Variants in HTT observed in about 807,000 individuals in gnomAD.
HTT encodes the protein huntington disease protein.
Under a neutral mutation model 362.3 loss-of-function variants are expected in HTT, and 104 were observed. The observed-to-expected ratio is 0.29, with a 90% CI of 0.24 to 0.34. HTT has a LOEUF of 0.34. Among genes scored for constraint, HTT ranks in the 10% least tolerant of loss-of-function variants. HTT has a pLI of 1.00. For synonymous variants in HTT, 1,577 were observed against 1,548.7 expected (o/e 1.02, Z -0.43); for missense variants, 3,301 against 3,928.6 (o/e 0.84, Z 4.27).
In HTT at chr4:3,148,060, A is replaced by T. The variant is rs1207042717; in HGVS notation, c.3351A>T (p.Pro1117=). 12 of 1,614,058 alleles carry T rather than the reference A, an allele frequency of 7.4e-6. No homozygotes were observed. Among genetic ancestry groups the T allele is most frequent in the Non-Finnish European group, 1.0e-5 (12 of 1,180,026 alleles). The change falls in exon 26 of 67, where the codon CCA becomes CCT. Residue 1117 remains proline (P), a synonymous_variant. Transcript: ENST00000355072. The part of the protein sequence containing the change: ...SSWASEEEAN[P]AATKQEEVWP... ...GGGCCTCTGAAGAAGAAGCCAACCC[A>T]GCAGCCACCAAGCAAGAGGAGGTCT...
At position 3,131,389 on chromosome 4, in the gene HTT, GA is replaced by G; in HGVS notation, c.2096del (p.Asn699MetfsTer9). On this transcript the variant is annotated frameshift_variant, in exon 15 of 67. Coordinates refer to ENST00000355072, the MANE Select transcript of HTT (RefSeq NM_001388492.1). LOFTEE classifies it high-confidence loss of function. ...LLSASFLLTG[G>X]KNVLVPDRDV... is the part of the protein sequence containing the mutation. ...TCTGCTTCGTTTTTGCTAACAGGGG[GA>G]AAAAATGGTGAGTACAAAAGGGGAT... 2.5e-6 allele frequency: 4 copies of G among 1,611,930 alleles called. No individual in the cohort carries two copies. Among genetic ancestry groups the G allele is most frequent in the Non-Finnish European group, 3.4e-6 (4 of 1,178,194 alleles).
chr4:3,144,764 G>A (rs908021197), intron 23 of HTT, among the ~76,000 whole-genome samples: 2 of 152,086 alleles, frequency 1.3e-5, no homozygotes, highest in African/African-American at 4.8e-5. Flanking sequence ...CGACTGTGTC[G>A]GGCACTGTTG....
intron 57 of HTT, among the ~76,000 whole-genome samples, chr4:3,226,612 G>A (rs576112872): frequency 1.7e-4 from 26 of 152,232 alleles, no homozygotes; most frequent in Admixed American, 1.6e-3. Flanking sequence ...TGTGTCTTTC[G>A]CTCACCGGGT....
chr4:3,238,305 A>G lies in HTT; in HGVS notation c.8892-142A>G, dbSNP rs1721638813. ...TTAGGCTCTGACTTTCCCCACTTGGAAAGTCCCTCACGGCCGAGGGTCCCT... is the reference window on the plus strand; with the variant it reads ...TTAGGCTCTGACTTTCCCCACTTGGGAAGTCCCTCACGGCCGAGGGTCCCT... On this transcript the variant is annotated intron_variant, in intron 64 of 66. Coordinates refer to ENST00000355072, the MANE Select transcript of HTT (RefSeq NM_001388492.1). 6 of 583,730 alleles carry G rather than the reference A, an allele frequency of 1.0e-5. No homozygotes were observed. The South Asian group carries it at 1.7e-4, about 16-fold the overall frequency. 36.2% of individuals were successfully genotyped at this position (583,730 alleles called of 1,614,324 possible).
chr4:3,148,363 A>T (rs1325905262), intron 26 of HTT, among the ~76,000 whole-genome samples, 156 bp downstream of exon 26: 1 of 152,196 alleles, frequency 6.6e-6, no homozygotes, highest in African/African-American at 2.4e-5. Flanking sequence ...TCAAAATGTG[A>T]CCATGTGGAT....
chr4:3,164,686 G>A (rs1717613536), intron 29 of HTT, among the ~76,000 whole-genome samples: 1 of 152,028 alleles, frequency 6.6e-6, no homozygotes, highest in Admixed American at 6.6e-5. Context: ...GGCCTTCTTT[G>A]TCTCCTTTGA....
chr4:3,096,163 C>T (rs1475125727), intron 2 of HTT, among the ~76,000 whole-genome samples: 3 of 152,226 alleles, frequency 2.0e-5, no homozygotes, highest in African/African-American at 2.4e-5. Flanking sequence ...GAAGGGGATT[C>T]GTTCATCAGC....
At chr4:3,234,711 G>A (rs988791091) in intron 61 of HTT, among the ~76,000 whole-genome samples, 4 of 152,204 alleles carry the variant, frequency 2.6e-5, no homozygotes, top group East Asian at 3.9e-4. Context: ...ACGTGCCTCC[G>A]AGGTGGAGGT....
intron 51 of HTT, among the ~76,000 whole-genome samples, chr4:3,216,053 G>A (rs1433063186): frequency 6.6e-6 from 1 of 152,204 alleles, no homozygotes; most frequent in Non-Finnish European, 1.5e-5. Flanking sequence ...ATGCTCTGTG[G>A]CTCAGGAAAC....
At chr4:3,093,604 G>A (rs1245229754) in intron 2 of HTT, among the ~76,000 whole-genome samples, 1 of 152,138 alleles carries the variant, frequency 6.6e-6, no homozygotes, top group Non-Finnish European at 1.5e-5. Context: ...AGGATCTTGA[G>A]ATGAGGGGGC....
intron 11 of HTT, among the ~76,000 whole-genome samples, chr4:3,126,099 C>G (rs373137749): frequency 2.4e-4 from 37 of 152,324 alleles, no homozygotes; most frequent in African/African-American, 8.4e-4. Context: ...CCCAGTGTCA[C>G]TGGAGTGCAG....
intron 1 of HTT, among the ~76,000 whole-genome samples, chr4:3,084,176 A>G (rs933090180): frequency 1.4e-5 from 2 of 146,458 alleles, no homozygotes; most frequent in African/African-American, 5.1e-5. Context: ...ACAGGGGAAT[A>G]CTTGTAATGG....
chr4:3,186,489 A>G, intron 37 of HTT, 108 bp from the exon 38 acceptor site: 1 of 1,235,068 alleles, frequency 8.1e-7, no homozygotes. Context: ...AGGGAAGGTG[A>G]CGATGAGATG....
intron 36 of HTT, among the ~76,000 whole-genome samples, chr4:3,181,183 GGTGTT>G (rs1718509392): frequency 6.6e-6 from 1 of 152,030 alleles, no homozygotes; most frequent in African/African-American, 2.4e-5. Flanking sequence ...TGCCCAGCCT[GGTGTT>G]TATCTTTAAA....
intron 13 of HTT, 28 bp from the exon 14 acceptor site, chr4:3,130,277 C>T: frequency 7.4e-7 from 1 of 1,353,896 alleles, no homozygotes; most frequent in Non-Finnish European, 1.0e-6. Flanking sequence ...AAATTTGTCA[C>T]TTAATCTTGA....
rs776519188 is a variant in HTT at position 3,228,601 on chromosome 4, C to T, written c.7849-14C>T. 10 of 1,548,368 alleles carry T rather than the reference C, an allele frequency of 6.5e-6. No individual in the cohort carries two copies. The Admixed American group carries it at 1.0e-4, about 16-fold the overall frequency. On this transcript the variant is annotated splice_polypyrimidine_tract_variant and intron_variant, in intron 57 of 66. Coordinates refer to ENST00000355072, the MANE Select transcript of HTT (RefSeq NM_001388492.1). The surrounding 1 kb of genome is among the most constrained non-coding windows in gnomAD (Gnocchi z 4.3). ...GTGGCCGCAGCACTGAGCAGTGCCC[C>T]GTTTCTGTGGCAGGTGTCCATACAC...
chr4:3,094,958 C>T (rs1476644701), intron 2 of HTT, among the ~76,000 whole-genome samples: 1 of 152,034 alleles, frequency 6.6e-6, no homozygotes, highest in Admixed American at 6.5e-5. Flanking sequence ...CTCCCCACTT[C>T]CCAGACGATG....
chr4:3,231,645 G>A (rs1408500357), intron 60 of HTT, among the ~76,000 whole-genome samples: 1 of 135,832 alleles, frequency 7.4e-6, no homozygotes, highest in Non-Finnish European at 1.6e-5. Flanking sequence ...TGACTCAGCA[G>A]CCGTCCAGGG....
intron 29 of HTT, among the ~76,000 whole-genome samples, chr4:3,162,278 C>A (rs912170421): frequency 2.0e-5 from 3 of 152,076 alleles, no homozygotes; most frequent in African/African-American, 7.2e-5. Context: ...TTCCATTGGT[C>A]TATATATCTG....
Sources: gnomAD v4.1 joint callset for allele counts (sites outside exome capture counted in the v4.1 genomes callset) on GRCh38, gnomAD v4.1.1 for gene constraint, Gnocchi (gnomAD v3.1) non-coding constraint, MANE v1.5 for transcripts, NCBI Gene and HGNC (gene_info 2026-07-23, HGNC 2026-07-21) for gene names.